ASB3: variants seen among roughly 807,000 people sequenced by gnomAD.
ASB3 encodes ankyrin repeat and SOCS box protein 3.
In ASB3, 41 loss-of-function variants were observed where a neutral mutation model predicts 54.5. The ratio of observed to expected loss-of-function variants is 0.75; its 90% CI spans 0.59 to 0.98. The LOEUF is 0.98. ASB3 is among the 50% of genes least tolerant of loss of function. ASB3 has a pLI of 0.00. For missense variants in ASB3, 733 were observed against 620.0 expected (o/e 1.18, Z -1.94); for synonymous variants, 266 against 221.2 (o/e 1.20, Z -1.80).
chr2:53,754,921 T>C (rs1327525328), intron 2 of ASB3, among the ~76,000 whole-genome samples: 1 of 152,202 alleles, frequency 6.6e-6, no homozygotes, highest in African/African-American at 2.4e-5. Context: ...ACATGAGTTT[T>C]AGCAAAGGGA....
At chr2:53,673,232 C>T (rs1377050550) in intron 9 of ASB3, among the ~76,000 whole-genome samples, 1 of 152,176 alleles carries the variant, frequency 6.6e-6, no homozygotes, top group Admixed American at 6.5e-5. Flanking sequence ...AATTGAATCT[C>T]TTCATTCTGC....
intron 7 of ASB3, among the ~76,000 whole-genome samples, chr2:53,708,740 T>C (rs1558529810): frequency 6.6e-6 from 1 of 152,232 alleles, no homozygotes; most frequent in Non-Finnish European, 1.5e-5. Flanking sequence ...TTGTTATGCC[T>C]TAGCAAAGAA....
chr2:53,718,961 G>A (rs1055414025), intron 5 of ASB3, among the ~76,000 whole-genome samples: 10 of 151,972 alleles, frequency 6.6e-5, no homozygotes, highest in South Asian at 2.1e-4. Context: ...TCGCCGTGTC[G>A]CCAGGCTGGA....
chr2:53,755,627 A>G (rs749070174), intron 2 of ASB3, among the ~76,000 whole-genome samples: 1 of 152,246 alleles, frequency 6.6e-6, no homozygotes, highest in Non-Finnish European at 1.5e-5. Flanking sequence ...AAAAGGTTAT[A>G]TATAAAATAA....
intron 1 of ASB3, chr2:53,771,949 TATAA>T (rs1442753782): frequency 6.8e-7 from 1 of 1,475,390 alleles, no homozygotes; most frequent in Non-Finnish European, 9.2e-7. Context: ...TGCGGTATGG[TATAA>T]ATATTCTTTT....
chr2:53,750,809 A>C lies in ASB3; in HGVS notation c.329T>G (p.Leu110Ter). 2 of 1,587,494 alleles carry C rather than the reference A, an allele frequency of 1.3e-6. No individual in the cohort carries two copies. Among genetic ancestry groups the C allele is most frequent in the Non-Finnish European group, 1.7e-6 (2 of 1,168,622 alleles). ...EAGADPNATT[L>*]EETTPLFLAV... ...TAAAAACAATGGTGTCGTTTCTTCT[A>C]AAGTAGTTGCATTAGGATCTGCCCC... Residue 110 changes from leucine to a stop codon, truncating the protein, a stop_gained, in exon 3 of 10, where the codon TTA (leucine) becomes TGA (stop). Coordinates refer to ENST00000263634, the MANE Select transcript of ASB3 (RefSeq NM_016115.5). LOFTEE classifies it high-confidence loss of function.
chr2:53,778,237 T>C (rs1674456438), intron 1 of ASB3, among the ~76,000 whole-genome samples: 1 of 151,974 alleles, frequency 6.6e-6, no homozygotes, highest in African/African-American at 2.4e-5. Context: ...TGGGTTCCTA[T>C]GTAAGCAAAC....
intron 3 of ASB3, among the ~76,000 whole-genome samples, chr2:53,732,539 G>T (rs549903424): frequency 1.3e-5 from 2 of 152,034 alleles, no homozygotes; most frequent in Non-Finnish European, 2.9e-5. Flanking sequence ...CACAAGTTAG[G>T]CTGACCTTAT....
At chr2:53,759,987 G>A (rs747365397) in intron 2 of ASB3, among the ~76,000 whole-genome samples, 4 of 152,132 alleles carry the variant, frequency 2.6e-5, no homozygotes, top group Non-Finnish European at 4.4e-5. Flanking sequence ...CTCCTGTCCT[G>A]GACAACTGTC....
At chr2:53,714,751 T>A (rs1228918074) in intron 6 of ASB3, among the ~76,000 whole-genome samples, 170 bp from the exon 7 acceptor site, 1 of 152,194 alleles carries the variant, frequency 6.6e-6, no homozygotes, top group Admixed American at 6.5e-5. Flanking sequence ...ATGCTATATA[T>A]TTACTCCAGA....
At chr2:53,710,040 C>T (rs12621225) in intron 7 of ASB3, among the ~76,000 whole-genome samples, 72,615 of 151,942 alleles carry the variant, frequency 0.48, 17,647 homozygotes, top group East Asian at 0.63. Context: ...AAGTTGATCC[C>T]CTGGCTCCTG....
chr2:53,779,020 C>G (rs1674506128), intron 1 of ASB3, among the ~76,000 whole-genome samples: 1 of 152,176 alleles, frequency 6.6e-6, no homozygotes, highest in Non-Finnish European at 1.5e-5. Context: ...CAGAGGTTCC[C>G]CTTTCTCCAC....
intron 2 of ASB3, among the ~76,000 whole-genome samples, chr2:53,753,310 C>T (rs140784164): frequency 3.2e-4 from 49 of 152,264 alleles, no homozygotes; most frequent in African/African-American, 1.1e-3. Flanking sequence ...TCTGAAACCA[C>T]TCTACATGAA....
intron 9 of ASB3, among the ~76,000 whole-genome samples, chr2:53,688,429 G>C (rs1668743379): frequency 6.6e-6 from 1 of 152,168 alleles, no homozygotes; most frequent in African/African-American, 2.4e-5. Flanking sequence ...TTTATGCTTT[G>C]ACCACTTGCC....
intron 5 of ASB3, among the ~76,000 whole-genome samples, chr2:53,718,980 G>A (rs1438831418): frequency 6.6e-6 from 1 of 152,138 alleles, no homozygotes; most frequent in Non-Finnish European, 1.5e-5. Flanking sequence ...GAGTGCAATG[G>A]TGCGATCTCG....
chr2:53,716,572 T>C lies in ASB3; in HGVS notation c.776A>G (p.His259Arg). 2 of 1,611,406 alleles carry C rather than the reference T, an allele frequency of 1.2e-6. No individual in the cohort carries two copies. Among genetic ancestry groups the C allele is most frequent in the African/African-American group, 1.3e-5 (1 of 74,932 alleles). The change falls in exon 6 of 10, where the codon CAT (histidine) becomes CGT (arginine). Residue 259 changes from histidine to arginine, a missense_variant. Transcript: ENST00000263634. ...LPIHAAAQMG[H>R]TKILDLLIPL... Reference sequence around the variant, plus strand: ...TTCTGTTTTTAACACTTACTTTGTATGGCCCATTTGTGCAGCTGCATGAAT... The same window carrying C: ...TTCTGTTTTTAACACTTACTTTGTACGGCCCATTTGTGCAGCTGCATGAAT...
chr2:53,694,035 TATA>T, intron 8 of ASB3, 21 bp from the exon 9 acceptor site: 1 of 1,610,876 alleles, frequency 6.2e-7, no homozygotes, highest in Non-Finnish European at 8.5e-7. Flanking sequence ...AAGATGTTAA[TATA>T]ATATTAGAAA....
intron 7 of ASB3, among the ~76,000 whole-genome samples, chr2:53,703,667 T>C (rs762462286): frequency 6.6e-6 from 1 of 152,204 alleles, no homozygotes. Flanking sequence ...GTGTTAATTG[T>C]ACTATTTATA....
intron 7 of ASB3, among the ~76,000 whole-genome samples, chr2:53,701,314 T>G (rs1669482018): frequency 6.6e-6 from 1 of 152,218 alleles, no homozygotes; most frequent in Non-Finnish European, 1.5e-5. Flanking sequence ...TTAACACAAA[T>G]TTAATTTACA....
Sources: gnomAD v4.1 joint callset for allele counts (sites outside exome capture counted in the v4.1 genomes callset) on GRCh38, gnomAD v4.1.1 for gene constraint, MANE v1.5 for transcripts, NCBI Gene and HGNC (gene_info 2026-07-23, HGNC 2026-07-21) for gene names.